Variants in RANBP2 observed in about 807,000 individuals in gnomAD.
RANBP2 encodes the protein E3 SUMO-protein ligase RanBP2.
RANBP2 carries 57 observed loss-of-function variants against 303.6 expected under a neutral mutation model. That is an observed-to-expected ratio of 0.19 (90% CI 0.15 to 0.23). The LOEUF is 0.23. Among genes scored for constraint, RANBP2 ranks in the 10% least tolerant of loss-of-function variants. The pLI, the probability that RANBP2 is intolerant of heterozygous loss-of-function variation, is 1.00. For synonymous variants in RANBP2, 1,167 were observed against 1,301.5 expected (o/e 0.90, Z 2.23); for missense variants, 3,138 against 3,780.8 (o/e 0.83, Z 4.46).
At chr2:109,314,061 G>A in the RANBP2 span, among the ~76,000 whole-genome samples, 1 of 152,142 alleles carries the variant, frequency 6.6e-6, no homozygotes, top group African/African-American at 2.4e-5. Context: ...TGGGGGAAGA[G>A]AGGGGCCGTG....
At chr2:108,762,683 GATA>G in intron 19 of RANBP2, among the ~76,000 whole-genome samples, 1 of 142,926 alleles carries the variant, frequency 7.0e-6, no homozygotes, top group South Asian at 2.3e-4. Flanking sequence ...GTAAAATGAG[GATA>G]ATAATAATAC....
the RANBP2 span, among the ~76,000 whole-genome samples, chr2:109,647,766 G>A: frequency 2.0e-5 from 3 of 152,070 alleles, no homozygotes; most frequent in South Asian, 2.1e-4. Context: ...CACCCCGCCC[G>A]GCTCGGCTCT....
chr2:108,910,643 G>T, the RANBP2 span: 2 of 1,398,104 alleles, frequency 1.4e-6, no homozygotes, highest in Non-Finnish European at 2.0e-6. Flanking sequence ...TGTCTGTGTG[G>T]CACCACCCCA....
the RANBP2 span, among the ~76,000 whole-genome samples, chr2:109,021,997 G>T: frequency 6.6e-6 from 1 of 152,158 alleles, no homozygotes; most frequent in Non-Finnish European, 1.5e-5. Context: ...TACACAAGAG[G>T]CCCTTTGGCC....
the RANBP2 span, among the ~76,000 whole-genome samples, chr2:109,332,552 C>G: frequency 6.6e-6 from 1 of 152,116 alleles, no homozygotes; most frequent in Admixed American, 6.5e-5. Flanking sequence ...CCGAGCTCCC[C>G]GCAGTTCAGC....
chr2:109,254,840 C>A, the RANBP2 span, among the ~76,000 whole-genome samples: 4 of 152,148 alleles, frequency 2.6e-5, no homozygotes, highest in Non-Finnish European at 5.9e-5. Flanking sequence ...CTCGCCAGGG[C>A]AGTATCTGCT....
the RANBP2 span, among the ~76,000 whole-genome samples, chr2:109,298,094 C>A: frequency 2.0e-4 from 30 of 152,194 alleles, no homozygotes; most frequent in African/African-American, 7.2e-4. Context: ...CCCACTCAAA[C>A]CTGCTTCTCA....
the RANBP2 span, among the ~76,000 whole-genome samples, chr2:109,413,118 A>T: frequency 6.6e-6 from 1 of 152,072 alleles, no homozygotes; most frequent in East Asian, 1.9e-4. Flanking sequence ...TCATTATTTT[A>T]TATATATATT....
the RANBP2 span, among the ~76,000 whole-genome samples, chr2:109,236,487 T>C: frequency 6.6e-6 from 1 of 152,196 alleles, no homozygotes; most frequent in African/African-American, 2.4e-5. Context: ...TCAGAAAAGG[T>C]GGTCTTCTTG....
the RANBP2 span, among the ~76,000 whole-genome samples, chr2:109,591,558 G>C: frequency 2.0e-5 from 3 of 152,178 alleles, no homozygotes; most frequent in Admixed American, 6.5e-5. Flanking sequence ...AAAAACAAGA[G>C]ACTACAGTTA....
the RANBP2 span, among the ~76,000 whole-genome samples, chr2:109,693,660 T>G: frequency 6.6e-6 from 1 of 152,246 alleles, no homozygotes. Flanking sequence ...TTCAGCCATG[T>G]GGAAATGTGA....
At chr2:108,963,534 T>G in the RANBP2 span, among the ~76,000 whole-genome samples, 3 of 152,136 alleles carry the variant, frequency 2.0e-5, no homozygotes, top group Non-Finnish European at 4.4e-5. Context: ...TTTCGTCTGG[T>G]AAAATTACAG....
the RANBP2 span, among the ~76,000 whole-genome samples, chr2:109,620,097 T>C: frequency 7.9e-5 from 12 of 152,186 alleles, no homozygotes; most frequent in Non-Finnish European, 1.3e-4. Flanking sequence ...CATCGATGCA[T>C]TGGTAAGGAA....
At chr2:109,546,294 C>T in the RANBP2 span, 1 of 1,218,748 alleles carries the variant, frequency 8.2e-7, no homozygotes, top group Non-Finnish European at 1.1e-6. Flanking sequence ...GAGGCACGCT[C>T]TCCAGCTCAG....
the RANBP2 span, among the ~76,000 whole-genome samples, chr2:109,575,519 G>A: frequency 6.6e-6 from 1 of 152,206 alleles, no homozygotes; most frequent in Non-Finnish European, 1.5e-5. Context: ...GCTATCTCAG[G>A]TTATTCAGCC....
intron 1 of RANBP2, among the ~76,000 whole-genome samples, chr2:108,721,635 C>G (rs533711891): frequency 6.6e-6 from 1 of 152,082 alleles, no homozygotes; most frequent in Non-Finnish European, 1.5e-5. Context: ...TTGGTAGAGA[C>G]TGGGTTTCAC....
At chr2:109,630,926 C>T in the RANBP2 span, among the ~76,000 whole-genome samples, 5 of 152,136 alleles carry the variant, frequency 3.3e-5, no homozygotes, top group South Asian at 4.2e-4. Flanking sequence ...ATTAACTGGG[C>T]GTGGTGGCAG....
the RANBP2 span, among the ~76,000 whole-genome samples, chr2:109,176,893 G>A: frequency 1.3e-5 from 2 of 152,218 alleles, no homozygotes; most frequent in African/African-American, 2.4e-5. Flanking sequence ...CTAGCTGAAG[G>A]ATAGGGATGC....
At chr2:108,842,562 T>G in the RANBP2 span, among the ~76,000 whole-genome samples, 1 of 151,966 alleles carries the variant, frequency 6.6e-6, no homozygotes, top group Non-Finnish European at 1.5e-5. Context: ...TTCTAGGAGG[T>G]AGTCACTGTG....
Sources: allele counts gnomAD v4.1 joint callset (sites outside exome capture counted in the v4.1 genomes callset), GRCh38; gene constraint gnomAD v4.1.1; transcripts MANE v1.5; gene names NCBI Gene and HGNC (gene_info 2026-07-23, HGNC 2026-07-21).